The following PSD3 variants were observed in gnomAD, a reference collection of about 807,000 sequenced individuals.
PSD3 encodes PH and SEC7 domain-containing protein 3.
Under a neutral mutation model 105.5 loss-of-function variants are expected in PSD3, and 49 were observed. The ratio of observed to expected loss-of-function variants is 0.46; its 90% CI spans 0.37 to 0.59. The LOEUF (loss-of-function observed/expected upper bound fraction) is 0.59. PSD3 is among the 20% of genes least tolerant of loss of function. The probability of loss-of-function intolerance (pLI) is 0.00; values close to 1 mark genes in which losing one functional copy is unlikely to be tolerated. For synonymous variants in PSD3, 557 were observed against 457.8 expected (o/e 1.22, Z -2.77); for missense variants, 1,561 against 1,263.8 (o/e 1.24, Z -3.57).
intron 1 of PSD3, among the ~76,000 whole-genome samples, chr8:19,008,310 C>A (rs560189311): frequency 1.3e-5 from 2 of 152,306 alleles, no homozygotes; most frequent in Admixed American, 1.3e-4. Context: ...CCTCTTCAAA[C>A]ACTCACTACT....
intron 9 of PSD3, among the ~76,000 whole-genome samples, chr8:18,688,739 A>G (rs1204590173): frequency 6.6e-6 from 1 of 152,190 alleles, no homozygotes; most frequent in Non-Finnish European, 1.5e-5. Flanking sequence ...ATATGAAATA[A>G]TCACTTCAAA....
At chr8:18,885,239 T>C (rs1818380629) in intron 2 of PSD3, among the ~76,000 whole-genome samples, 1 of 152,198 alleles carries the variant, frequency 6.6e-6, no homozygotes, top group Non-Finnish European at 1.5e-5. Context: ...ATCCATACTT[T>C]TAAAAATCCA....
chr8:19,042,153 T>C (rs1167860051), intron 1 of PSD3, among the ~76,000 whole-genome samples: 3 of 152,150 alleles, frequency 2.0e-5, no homozygotes, highest in Non-Finnish European at 4.4e-5. Flanking sequence ...AAACGTTACA[T>C]AATAAAAGGG....
chr8:18,853,022 A>C (rs1815718397), intron 4 of PSD3, among the ~76,000 whole-genome samples: 1 of 152,186 alleles, frequency 6.6e-6, no homozygotes, highest in Admixed American at 6.5e-5. Flanking sequence ...AACTGTAAGG[A>C]GTAAAACTGA....
chr8:18,849,327 G>C (rs1227757651), intron 4 of PSD3: 2 of 152,092 alleles, frequency 1.3e-5, no homozygotes, highest in Non-Finnish European at 2.9e-5. Flanking sequence ...CTCACTTCTT[G>C]GTGCCTGTCT....
At chr8:18,712,573 A>T (rs1009685803) in intron 9 of PSD3, among the ~76,000 whole-genome samples, 3 of 152,170 alleles carry the variant, frequency 2.0e-5, no homozygotes, top group Admixed American at 6.6e-5. Flanking sequence ...CCAAGACTGA[A>T]TCAGGAAGTG....
intron 1 of PSD3, among the ~76,000 whole-genome samples, chr8:19,062,746 C>G (rs955388276): frequency 6.6e-6 from 1 of 152,302 alleles, no homozygotes; most frequent in Non-Finnish European, 1.5e-5. Context: ...GGAAACGCTA[C>G]ATTACATCAA....
chr8:18,655,140 T>C (rs1323535945), intron 10 of PSD3, among the ~76,000 whole-genome samples: 1 of 150,992 alleles, frequency 6.6e-6, no homozygotes, highest in Non-Finnish European at 1.5e-5. Context: ...TGGCTAACAC[T>C]GTGAAACCCC....
At chr8:18,921,110 A>G (rs908052785) in intron 2 of PSD3, among the ~76,000 whole-genome samples, 3 of 152,242 alleles carry the variant, frequency 2.0e-5, no homozygotes, top group African/African-American at 7.2e-5. Flanking sequence ...AAACAAATGT[A>G]AACTACTTTT....
chr8:18,798,860 A>G (rs1252678765), intron 8 of PSD3, among the ~76,000 whole-genome samples: 1 of 145,912 alleles, frequency 6.9e-6, no homozygotes, highest in African/African-American at 2.5e-5. Context: ...TCAACTAGTA[A>G]AAGACTAGAT....
chr8:18,938,627 CAAAA>C (rs35017140), intron 1 of PSD3, among the ~76,000 whole-genome samples: 9 of 109,460 alleles, frequency 8.2e-5, no homozygotes, highest in Non-Finnish European at 1.4e-4. Context: ...CCGTCTCAAA[CAAAA>C]AAAAAAAAAA....
At chr8:18,996,142 G>T (rs1341181957) in intron 1 of PSD3, among the ~76,000 whole-genome samples, 1 of 151,216 alleles carries the variant, frequency 6.6e-6, no homozygotes, top group Non-Finnish European at 1.5e-5. Flanking sequence ...CCCATCTGTT[G>T]CCCTGTGGTT....
At chr8:18,762,541 C>G (rs1806627460) in intron 9 of PSD3, among the ~76,000 whole-genome samples, 1 of 152,204 alleles carries the variant, frequency 6.6e-6, no homozygotes, top group Admixed American at 6.5e-5. Context: ...AAGTAATATG[C>G]TATCACTGGT....
intron 1 of PSD3, among the ~76,000 whole-genome samples, chr8:19,078,634 C>T (rs574261788): frequency 5.9e-5 from 9 of 151,932 alleles, no homozygotes; most frequent in Non-Finnish European, 1.0e-4. Flanking sequence ...TCTCAGCACC[C>T]CTGTTAGCAC....
intron 11 of PSD3, among the ~76,000 whole-genome samples, chr8:18,609,481 G>A (rs1805098195): frequency 6.6e-6 from 1 of 152,208 alleles, no homozygotes; most frequent in African/African-American, 2.4e-5. Context: ...TAATATAAGT[G>A]AGACATCATC....
chr8:19,034,260 G>C (rs1254460005), intron 1 of PSD3, among the ~76,000 whole-genome samples: 1 of 152,052 alleles, frequency 6.6e-6, no homozygotes, highest in African/African-American at 2.4e-5. Context: ...TTACAGCCTA[G>C]ATCCCCCAGG....
intron 9 of PSD3, among the ~76,000 whole-genome samples, chr8:18,662,216 C>G (rs1025556280): frequency 5.3e-5 from 8 of 152,080 alleles, no homozygotes; most frequent in Admixed American, 5.2e-4. Context: ...GAAAGAGAAT[C>G]TGAAGTATAA....
rs77004696 is a variant in PSD3 at position 18,840,657 on chromosome 8, G to A, written c.1634+27017C>T. ...ACAGGTGCTAGGTTTCCCATAACAC[G>A]GCAGGCCAGTGGCAGAGCTGGAATG... On this transcript the variant is annotated intron_variant, in intron 4 of 15. Coordinates refer to ENST00000327040, the MANE Select transcript of PSD3 (RefSeq NM_015310.4). Among the ~76,000 whole-genome samples, 513 of 152,288 alleles carry A rather than the reference G, an allele frequency of 3.4e-3. 2 individuals are homozygous for A. The highest frequency in any genetic ancestry group is 0.011 in the African/African-American group (467 of 41,566).
At chr8:18,854,041 TAC>T (rs1361950980) in intron 4 of PSD3, 3 of 148,360 alleles carry the variant, frequency 2.0e-5, no homozygotes, top group Non-Finnish European at 4.5e-5. Flanking sequence ...ATTACAATTA[TAC>T]ATAATCCAGC....
Sources: gnomAD v4.1 joint callset for allele counts (sites outside exome capture counted in the v4.1 genomes callset) on GRCh38, gnomAD v4.1.1 for gene constraint, MANE v1.5 for transcripts, NCBI Gene and HGNC (gene_info 2026-07-23, HGNC 2026-07-21) for gene names.